UFD1: variants seen among roughly 807,000 people sequenced by gnomAD.
UFD1 encodes the protein ubiquitin recognition factor in ER-associated degradation protein 1.
In UFD1, 13 loss-of-function variants were observed where a neutral mutation model predicts 45.9. The ratio of observed to expected loss-of-function variants is 0.28; its 90% CI spans 0.18 to 0.45. The LOEUF is 0.45. Among genes scored for constraint, UFD1 ranks in the 20% least tolerant of loss-of-function variants. UFD1 has a pLI of 1.00. For synonymous variants in UFD1, 128 were observed against 139.2 expected (o/e 0.92, Z 0.56); for missense variants, 218 against 389.2 (o/e 0.56, Z 3.70).
chr22:19,456,392 T>C, intron 9 of UFD1, 195 bp downstream of exon 9: 1 of 690,890 alleles, frequency 1.4e-6, no homozygotes, highest in Non-Finnish European at 2.4e-6. Context: ...ATGGGGCTGT[T>C]GGGAAGATTC....
intron 11 of UFD1, chr22:19,452,189 A>C (rs1204146187): frequency 6.4e-6 from 1 of 155,698 alleles, no homozygotes; most frequent in Admixed American, 6.5e-5. Flanking sequence ...TCAAGGTGTC[A>C]GCAGGTTTGG....
intron 3 of UFD1, among the ~76,000 whole-genome samples, chr22:19,474,628 A>G (rs990986335): frequency 2.6e-5 from 4 of 152,188 alleles, no homozygotes; most frequent in African/African-American, 7.2e-5. Flanking sequence ...GGGATGAGGA[A>G]CCTGCTCACA....
At chr22:19,450,863 C>A in intron 11 of UFD1, 119 bp from the exon 12 acceptor site, 1 of 1,554,230 alleles carries the variant, frequency 6.4e-7, no homozygotes. Context: ...AGGCTGGACA[C>A]GATAGCTGAC....
At chr22:19,478,713 C>T (rs1157511157) in intron 1 of UFD1, 2 of 177,326 alleles carry the variant, frequency 1.1e-5, no homozygotes, top group South Asian at 5.3e-5. Context: ...CGGATTCTCC[C>T]TGGGGAGCGC....
chr22:19,466,284 G>A (rs1274736028), intron 5 of UFD1: 2 of 152,340 alleles, frequency 1.3e-5, no homozygotes, highest in Non-Finnish European at 2.9e-5. Context: ...TGGAGGAGCA[G>A]AGCCAGAGCC....
intron 11 of UFD1, chr22:19,453,224 C>G: frequency 1.0e-6 from 1 of 985,288 alleles, no homozygotes; most frequent in Non-Finnish European, 1.2e-6. Context: ...TTTGAGAATT[C>G]CACAATCTAC....
chr22:19,471,627 G>T, intron 4 of UFD1, 60 bp downstream of exon 4: 1 of 1,591,394 alleles, frequency 6.3e-7, no homozygotes, highest in Non-Finnish European at 8.5e-7. Flanking sequence ...GGACTCTCGA[G>T]TGCAGGAGAT....
rs2089673086 is a variant in UFD1 at position 19,450,592 on chromosome 22, C to T, written c.*78G>A. 1.9e-5 allele frequency: 30 copies of T among 1,563,936 alleles called. 1 individual carries two copies. The South Asian group carries it at 2.6e-4, about 13-fold the overall frequency. On this transcript the variant is annotated 3_prime_UTR_variant, in exon 12 of 12. Coordinates refer to ENST00000263202, the MANE Select transcript of UFD1 (RefSeq NM_005659.7). ...GAGTATTCTCTGATGAGGCTCGTCC[C>T]TGTCAGTGCCAGTAACTAAAAGCCA... is the stretch of plus-strand genomic sequence containing the variant.
chr22:19,467,810 G>GT (rs2089814110), intron 5 of UFD1, 63 bp downstream of exon 5: 1 of 1,598,550 alleles, frequency 6.3e-7, no homozygotes, highest in Non-Finnish European at 8.5e-7. Flanking sequence ...AGTACATGAT[G>GT]TTTAACAACC....
intron 6 of UFD1, among the ~76,000 whole-genome samples, chr22:19,458,858 A>T (rs1783051484): frequency 6.6e-6 from 1 of 152,222 alleles, no homozygotes. Flanking sequence ...TGATGGAACC[A>T]AGTCCCATAA....
chr22:19,453,341 C>T, intron 11 of UFD1: 1 of 985,470 alleles, frequency 1.0e-6, no homozygotes, highest in Non-Finnish European at 1.2e-6. Flanking sequence ...GACCTTTAGC[C>T]ACAGCCTTAG....
At chr22:19,467,192 A>C (rs543474010) in intron 5 of UFD1, 8 of 152,162 alleles carry the variant, frequency 5.3e-5, no homozygotes, top group African/African-American at 1.9e-4. Context: ...GCATTAAAAA[A>C]AAATAAAAAA....
chr22:19,467,204 A>G (rs189415120), intron 5 of UFD1: 1 of 152,076 alleles, frequency 6.6e-6, no homozygotes, highest in African/African-American at 2.4e-5. Context: ...AATAAAAAAA[A>G]AGAAGTAGAA....
intron 6 of UFD1, among the ~76,000 whole-genome samples, chr22:19,459,384 G>A (rs1200297606): frequency 6.6e-6 from 1 of 152,200 alleles, no homozygotes; most frequent in Non-Finnish European, 1.5e-5. Flanking sequence ...GGAGGCCGAG[G>A]AGGGCAGATC....
chr22:19,458,445 TTTTA>T lies in UFD1; in HGVS notation c.496-310_496-307del, dbSNP rs2089740431. ...TTCACTTCTGGAACTTTACTATTTA[TTTTA>T]TTTATTTATTTTTAGACAGAATCTC... On this transcript the variant is annotated intron_variant, in intron 6 of 11. Transcript: ENST00000263202. 4.6e-5 allele frequency among the ~76,000 whole-genome samples: 7 copies of T among 152,292 alleles called. No homozygotes were observed. The South Asian group carries it at 1.0e-3, about 23-fold the overall frequency.
intron 4 of UFD1, chr22:19,471,318 T>G: frequency 1.8e-6 from 1 of 542,184 alleles, no homozygotes; most frequent in Non-Finnish European, 3.6e-6. Flanking sequence ...GACAGACTAC[T>G]AAAAGTAGGG....
intron 9 of UFD1, among the ~76,000 whole-genome samples, chr22:19,456,085 C>G (rs538667660): frequency 8.2e-4 from 125 of 152,286 alleles, no homozygotes; most frequent in Non-Finnish European, 1.4e-3. Context: ...GTTGTGACTG[C>G]CCCATAGCTC....
intron 11 of UFD1, chr22:19,451,497 G>C (rs2089682514): frequency 1.0e-6 from 1 of 985,134 alleles, no homozygotes; most frequent in Non-Finnish European, 1.2e-6. Context: ...GCAGAAAGAG[G>C]GATTGTTTTT....
intron 11 of UFD1, 141 bp from the exon 12 acceptor site, chr22:19,450,885 C>T (rs956397889): frequency 6.0e-6 from 9 of 1,503,920 alleles, no homozygotes; most frequent in Non-Finnish European, 8.0e-6. Flanking sequence ...CCTGTAATCC[C>T]AGCACTTTAG....
Sources: allele counts gnomAD v4.1 joint callset (sites outside exome capture counted in the v4.1 genomes callset), GRCh38; gene constraint gnomAD v4.1.1; transcripts MANE v1.5; gene names NCBI Gene and HGNC (gene_info 2026-07-23, HGNC 2026-07-21).